The following ARHGAP24 variants were observed in gnomAD, a reference collection of about 807,000 sequenced individuals.
ARHGAP24 encodes the protein rho GTPase-activating protein 24.
ARHGAP24 carries 50 observed loss-of-function variants against 76.4 expected under a neutral mutation model. The observed-to-expected ratio is 0.65, with a 90% CI of 0.52 to 0.83. The LOEUF (loss-of-function observed/expected upper bound fraction) is 0.83, where lower values mean the gene tolerates loss of function less well. Ranked by LOEUF, ARHGAP24 falls within the 40% of genes least tolerant of loss-of-function variation. The probability of loss-of-function intolerance (pLI) is 0.00; values close to 1 mark genes in which losing one functional copy is unlikely to be tolerated. For missense variants in ARHGAP24, 930 were observed against 914.2 expected (o/e 1.02, Z -0.22); for synonymous variants, 345 against 323.3 (o/e 1.07, Z -0.72).
At chr4:85,790,647 G>A (rs1728076933) in intron 3 of ARHGAP24, among the ~76,000 whole-genome samples, 1 of 152,126 alleles carries the variant, frequency 6.6e-6, no homozygotes, top group Non-Finnish European at 1.5e-5. Flanking sequence ...GGACTATTTG[G>A]GATATTTACA....
At chr4:85,489,661 G>A (rs1291912550) in intron 1 of ARHGAP24, among the ~76,000 whole-genome samples, 1 of 152,174 alleles carries the variant, frequency 6.6e-6, no homozygotes, top group Non-Finnish European at 1.5e-5. Context: ...AATATAGGAT[G>A]TGGTCTCAGA....
chr4:85,901,871 A>T (rs753837272), intron 3 of ARHGAP24, among the ~76,000 whole-genome samples: 14 of 151,724 alleles, frequency 9.2e-5, no homozygotes, highest in Non-Finnish European at 1.8e-4. Context: ...GGTTTGTTGC[A>T]TAGGTATACA....
At chr4:85,634,198 C>T (rs1322922840) in intron 2 of ARHGAP24, among the ~76,000 whole-genome samples, 1 of 151,826 alleles carries the variant, frequency 6.6e-6, no homozygotes, top group Non-Finnish European at 1.5e-5. Context: ...GATAACTTGT[C>T]TCAGTATTAA....
chr4:85,537,206 C>G (rs112257433), intron 1 of ARHGAP24, among the ~76,000 whole-genome samples: 1 of 152,006 alleles, frequency 6.6e-6, no homozygotes, highest in African/African-American at 2.4e-5. Context: ...GGGCTGTACA[C>G]GAAGGAATTA....
chr4:85,722,264 A>C (rs1724975171), intron 3 of ARHGAP24: 2 of 357,592 alleles, frequency 5.6e-6, no homozygotes, highest in African/African-American at 2.1e-5. Flanking sequence ...GATGAATTTG[A>C]TTTTACAGCG....
At chr4:85,587,153 A>C (rs1369094343) in intron 2 of ARHGAP24, among the ~76,000 whole-genome samples, 1 of 152,242 alleles carries the variant, frequency 6.6e-6, no homozygotes, top group Non-Finnish European at 1.5e-5. Flanking sequence ...GTAGTCAAAC[A>C]GTGCCTTGTG....
chr4:85,909,635 T>TA (rs1734958091), intron 3 of ARHGAP24, among the ~76,000 whole-genome samples: 2 of 152,172 alleles, frequency 1.3e-5, no homozygotes, highest in African/African-American at 2.4e-5. Flanking sequence ...GGGTGTTCAT[T>TA]AAGTGTTAAT....
At chr4:85,687,442 A>T (rs1011956100) in intron 2 of ARHGAP24, among the ~76,000 whole-genome samples, 8 of 152,168 alleles carry the variant, frequency 5.3e-5, no homozygotes, top group African/African-American at 1.9e-4. Flanking sequence ...CCGCTTTAGT[A>T]GTTCACATTG....
chr4:85,479,292 T>G (rs777505004), intron 1 of ARHGAP24, among the ~76,000 whole-genome samples: 9 of 152,188 alleles, frequency 5.9e-5, no homozygotes, highest in Non-Finnish European at 1.0e-4. Context: ...CAAAAACTAC[T>G]GTGAAATCAT....
chr4:85,647,508 C>T (rs1047532581), intron 2 of ARHGAP24, among the ~76,000 whole-genome samples: 5 of 152,088 alleles, frequency 3.3e-5, no homozygotes, highest in Admixed American at 6.6e-5. Context: ...CTACCCCTCA[C>T]AAGTGAGTGA....
intron 1 of ARHGAP24, among the ~76,000 whole-genome samples, chr4:85,506,898 T>TC (rs1278423561): frequency 1.1e-3 from 11 of 10,250 alleles, no homozygotes; most frequent in East Asian, 6.6e-3. Flanking sequence ...AAGCCTTTTT[T>TC]TTTCCCCCCA....
intron 2 of ARHGAP24, among the ~76,000 whole-genome samples, chr4:85,629,581 A>C (rs769276280): frequency 6.6e-6 from 1 of 152,118 alleles, no homozygotes; most frequent in African/African-American, 2.4e-5. Context: ...GGGAAATTAT[A>C]TCTCTCCTTT....
chr4:85,642,590 A>G (rs967530142), intron 2 of ARHGAP24, among the ~76,000 whole-genome samples: 1 of 152,138 alleles, frequency 6.6e-6, no homozygotes, highest in Non-Finnish European at 1.5e-5. Context: ...ACAATAGCTC[A>G]CATTCATTTG....
intron 3 of ARHGAP24, among the ~76,000 whole-genome samples, chr4:85,794,943 C>T (rs1728284098): frequency 3.9e-5 from 6 of 152,222 alleles, no homozygotes; most frequent in Admixed American, 3.9e-4. Context: ...TAAAGGTCCA[C>T]CCTCTTGTAC....
At chr4:85,850,185 A>G (rs1731140175) in intron 3 of ARHGAP24, among the ~76,000 whole-genome samples, 1 of 152,104 alleles carries the variant, frequency 6.6e-6, no homozygotes, top group African/African-American at 2.4e-5. Context: ...GGGAGGGTGT[A>G]TGTGTCGAGG....
chr4:85,518,136 A>G (rs1413193249), intron 1 of ARHGAP24, among the ~76,000 whole-genome samples: 1 of 152,166 alleles, frequency 6.6e-6, no homozygotes, highest in Non-Finnish European at 1.5e-5. Flanking sequence ...TTATGAAAAT[A>G]TTAAATGACA....
At chr4:85,592,334 GC>G (rs1728147676) in intron 2 of ARHGAP24, among the ~76,000 whole-genome samples, 1 of 151,804 alleles carries the variant, frequency 6.6e-6, no homozygotes. Context: ...CAGATTTTTT[GC>G]CCACATTTTA....
At chr4:85,689,906 T>C (rs1005789237) in intron 2 of ARHGAP24, among the ~76,000 whole-genome samples, 3 of 151,766 alleles carry the variant, frequency 2.0e-5, no homozygotes, top group Admixed American at 1.3e-4. Flanking sequence ...CTGTGTTGAA[T>C]AGGAATGGTG....
chr4:85,591,504 G>C (rs1418954565), intron 2 of ARHGAP24, among the ~76,000 whole-genome samples: 1 of 152,148 alleles, frequency 6.6e-6, no homozygotes, highest in African/African-American at 2.4e-5. Context: ...ATAGCAAAGT[G>C]TAATACTGCA....
Sources: allele counts gnomAD v4.1 joint callset (sites outside exome capture counted in the v4.1 genomes callset), GRCh38; gene constraint gnomAD v4.1.1; transcripts MANE v1.5; gene names NCBI Gene and HGNC (gene_info 2026-07-23, HGNC 2026-07-21).